ODF2: variants seen among roughly 807,000 people sequenced by gnomAD.
The protein encoded by ODF2 is outer dense fiber protein 2.
Under a neutral mutation model 110.2 loss-of-function variants are expected in ODF2, and 47 were observed. That is an observed-to-expected ratio of 0.43 (90% CI 0.34 to 0.54). ODF2 has a LOEUF of 0.54. Ranked by LOEUF, ODF2 falls within the 20% of genes least tolerant of loss-of-function variation. The probability of loss-of-function intolerance (pLI) is 0.03; values close to 1 mark genes in which losing one functional copy is unlikely to be tolerated. For synonymous variants in ODF2, 352 were observed against 397.7 expected (o/e 0.89, Z 1.37); for missense variants, 812 against 1,054.5 (o/e 0.77, Z 3.19).
chr9:128,479,628 T>A (rs912263203), intron 8 of ODF2, among the ~76,000 whole-genome samples: 1 of 145,222 alleles, frequency 6.9e-6, no homozygotes, highest in African/African-American at 2.6e-5. Context: ...CTTCTTGGTA[T>A]CATCCCTAGA....
chr9:128,460,112 C>T (rs865920125), intron 3 of ODF2: 1 of 1,290,318 alleles, frequency 7.8e-7, no homozygotes, highest in Non-Finnish European at 1.0e-6. Flanking sequence ...ATTTATTCTG[C>T]ACCCTGAGCA....
At chr9:128,462,214 C>T (rs1003861090) in intron 4 of ODF2, among the ~76,000 whole-genome samples, 16 of 151,402 alleles carry the variant, frequency 1.1e-4, no homozygotes, top group South Asian at 2.1e-4. Flanking sequence ...TGCAGTGGCG[C>T]GATCTTGGCT....
intron 14 of ODF2, among the ~76,000 whole-genome samples, chr9:128,491,648 A>G (rs1329924510): frequency 1.3e-5 from 2 of 151,750 alleles, no homozygotes; most frequent in Admixed American, 6.6e-5. Context: ...TGGGTGACAG[A>G]GCGAGACTCC....
At position 128,472,971 on chromosome 9, in the gene ODF2, G is replaced by A. The variant is rs759969494; in HGVS notation, c.640G>A (p.Ala214Thr). 8 of 1,614,054 alleles carry A rather than the reference G, an allele frequency of 5.0e-6. No individual in the cohort carries two copies. The East Asian group carries it at 1.6e-4, about 31-fold the overall frequency. Reference sequence around the variant, plus strand: ...GTGCCTCATGTCCAAGCTGGTGGAGGCGGAAATGGATGGGGCTGCGGCTGC... The same window carrying A: ...GTGCCTCATGTCCAAGCTGGTGGAGACGGAAATGGATGGGGCTGCGGCTGC... Residue 214 changes from alanine to threonine, a missense_variant, in exon 7 of 21, where the codon GCG becomes ACG. By Grantham distance (58) the Ala-to-Thr change is moderately conservative. This residue lies in a region of ODF2 where 219 missense variants were observed against 321.3 expected (regional missense o/e 0.68). Transcript: ENST00000604420.
At chr9:128,472,435 C>T (rs1840263974) in intron 6 of ODF2, among the ~76,000 whole-genome samples, 1 of 152,194 alleles carries the variant, frequency 6.6e-6, no homozygotes, top group African/African-American at 2.4e-5. Flanking sequence ...TCGATAACAC[C>T]TGATCTCAAG....
upstream of ODF2, chr9:128,455,942 C>G (rs1254978824): frequency 7.1e-7 from 1 of 1,403,074 alleles, no homozygotes; most frequent in Non-Finnish European, 9.2e-7. Flanking sequence ...CCGGCCAGGC[C>G]CGCTGGACGC....
At chr9:128,500,038 C>A in intron 20 of ODF2, 29 bp from the exon 21 acceptor site, 1 of 1,612,778 alleles carries the variant, frequency 6.2e-7, no homozygotes, top group South Asian at 1.1e-5. Flanking sequence ...CACTGCACAG[C>A]GGGCCCATGC....
rs1564515308 is a variant in ODF2, at chr9:128,487,803, AAACAC to A, written c.1401-85_1401-81del. On this transcript the variant is annotated intron_variant, in intron 13 of 20. Transcript: ENST00000604420. Reference sequence around the variant, plus strand: ...CTCCGTCTAAAAAAACAAACAAACAAAACACACACACACACACACACACACACACA... The same window carrying A: ...CTCCGTCTAAAAAAACAAACAAACAAACACACACACACACACACACACACA... 212 of 983,030 alleles carry A rather than the reference AAACAC, an allele frequency of 2.2e-4. 1 individual carries two copies. The highest frequency in any genetic ancestry group is 1.7e-3 in the East Asian group (57 of 33,232). 60.9% of individuals were successfully genotyped at this position (983,030 alleles called of 1,614,324 possible). A position where few individuals can be genotyped will look rare whatever the true frequency, so the allele number is the denominator to read the frequency against.
chr9:128,497,326 G>A (rs1214108490), intron 18 of ODF2, among the ~76,000 whole-genome samples: 4 of 146,896 alleles, frequency 2.7e-5, no homozygotes, highest in Non-Finnish European at 4.5e-5. Flanking sequence ...GGTGTCTCAC[G>A]CCTGTAATCC....
chr9:128,463,992 G>A (rs1372050141), intron 4 of ODF2, among the ~76,000 whole-genome samples: 2 of 151,546 alleles, frequency 1.3e-5, no homozygotes, highest in Non-Finnish European at 2.9e-5. Flanking sequence ...TTACAGGCAC[G>A]CACCACCACA....
At chr9:128,468,804 G>A (rs532362353) in intron 4 of ODF2, among the ~76,000 whole-genome samples, 184 of 152,284 alleles carry the variant, frequency 1.2e-3, no homozygotes, top group African/African-American at 4.2e-3. Flanking sequence ...TTGCAGATGT[G>A]AGCCACCATG....
intron 18 of ODF2, chr9:128,497,446 A>ATATATATATAT (rs1306199441): frequency 2.3e-5 from 1 of 42,592 alleles, no homozygotes; most frequent in African/African-American, 1.5e-4. Context: ...AAAAAAAAAA[A>ATATATATATAT]ATATATATAT....
intron 6 of ODF2, among the ~76,000 whole-genome samples, chr9:128,472,453 C>T (rs1211477649): frequency 1.3e-5 from 2 of 152,204 alleles, no homozygotes; most frequent in African/African-American, 4.8e-5. Context: ...AAGTGATCTG[C>T]CCACCTCGGC....
chr9:128,459,547 G>A lies in ODF2; in HGVS notation c.33-20G>A. ...GCCCTAGTTTTCTGCTTACAATCTGGTTCTTGTGCCTGGGTGCAGGTTTCC... is the reference window on the plus strand; with the variant it reads ...GCCCTAGTTTTCTGCTTACAATCTGATTCTTGTGCCTGGGTGCAGGTTTCC... On this transcript the variant is annotated intron_variant, in intron 2 of 20. Coordinates refer to ENST00000604420, the Ensembl canonical transcript of ODF2. 6.2e-7 allele frequency: 1 copy of A among 1,603,800 alleles called. No homozygotes were observed. Among genetic ancestry groups the A allele is most frequent in the Non-Finnish European group, 8.5e-7 (1 of 1,171,564 alleles).
chr9:128,469,257 C>T (rs748555725), exon 5 of ODF2: 35 of 1,613,924 alleles, frequency 2.2e-5, no homozygotes, highest in Non-Finnish European at 2.9e-5. Flanking sequence ...TAAGTGACCT[C>T]TCTACAGAAG....
At chr9:128,460,892 C>T (rs1836272514) in intron 3 of ODF2, 50 bp from the exon 4 acceptor site, 1 of 1,612,774 alleles carries the variant, frequency 6.2e-7, no homozygotes, top group Admixed American at 1.7e-5. Context: ...TAGCGTGGCA[C>T]CGTGGCCAGC....
At chr9:128,479,264 C>A (rs757405333) in intron 8 of ODF2, among the ~76,000 whole-genome samples, 1 of 152,062 alleles carries the variant, frequency 6.6e-6, no homozygotes, top group Non-Finnish European at 1.5e-5. Flanking sequence ...AGATGTCCCT[C>A]CCTCAAGGGA....
intron 6 of ODF2, among the ~76,000 whole-genome samples, chr9:128,471,707 C>T (rs1292666697): frequency 6.6e-6 from 1 of 152,084 alleles, no homozygotes; most frequent in African/African-American, 2.4e-5. Flanking sequence ...TAGCAGGGAA[C>T]TGTTTCTGGA....
intron 8 of ODF2, among the ~76,000 whole-genome samples, chr9:128,479,789 A>G (rs1842070414): frequency 6.6e-6 from 1 of 152,200 alleles, no homozygotes; most frequent in Non-Finnish European, 1.5e-5. Flanking sequence ...ATGCCATGGC[A>G]TATTAGAGAC....
Sources: allele counts gnomAD v4.1 joint callset (sites outside exome capture counted in the v4.1 genomes callset), GRCh38; gene constraint gnomAD v4.1.1; regional missense constraint gnomAD v4.1.1; transcripts MANE v1.5; gene names NCBI Gene and HGNC (gene_info 2026-07-23, HGNC 2026-07-21).